Variants in ARHGEF26 observed in about 807,000 individuals in gnomAD.
ARHGEF26 encodes the protein Rho guanine nucleotide exchange factor 26, also known as Rho guanine nucleotide exchange factor (GEF) 26.
In ARHGEF26, 59 loss-of-function variants were observed where a neutral mutation model predicts 89.4. The ratio of observed to expected loss-of-function variants is 0.66; its 90% CI spans 0.54 to 0.82. The LOEUF (loss-of-function observed/expected upper bound fraction) is 0.82. Ranked by LOEUF, ARHGEF26 falls within the 40% of genes least tolerant of loss-of-function variation. The pLI is 0.00. For synonymous variants in ARHGEF26, 500 were observed against 428.4 expected (o/e 1.17, Z -2.06); for missense variants, 1,234 against 1,085.6 (o/e 1.14, Z -1.92).
chr3:154,176,976 A>C (rs1276695491), intron 6 of ARHGEF26, among the ~76,000 whole-genome samples: 1 of 152,164 alleles, frequency 6.6e-6, no homozygotes, highest in African/African-American at 2.4e-5. Flanking sequence ...TTGATGCAAG[A>C]ATAAAAGGGA....
intron 11 of ARHGEF26, among the ~76,000 whole-genome samples, chr3:154,234,413 G>A (rs1416363817): frequency 1.3e-5 from 2 of 152,116 alleles, no homozygotes; most frequent in Admixed American, 6.5e-5. Flanking sequence ...AAGGCAGGCC[G>A]TTAAAGGTCT....
intron 6 of ARHGEF26, among the ~76,000 whole-genome samples, chr3:154,158,215 A>G (rs951624123): frequency 6.6e-6 from 1 of 152,176 alleles, no homozygotes; most frequent in Non-Finnish European, 1.5e-5. Flanking sequence ...TGACAAAGAA[A>G]CATTTAAGGA....
intron 4 of ARHGEF26, among the ~76,000 whole-genome samples, chr3:154,137,359 G>A (rs985393146): frequency 6.6e-6 from 1 of 152,086 alleles, no homozygotes; most frequent in South Asian, 2.1e-4. Flanking sequence ...TGTCCCCACC[G>A]GCAAGAAGGC....
chr3:154,154,900 A>G (rs1191269932), intron 6 of ARHGEF26, among the ~76,000 whole-genome samples: 1 of 151,974 alleles, frequency 6.6e-6, no homozygotes, highest in Non-Finnish European at 1.5e-5. Flanking sequence ...ACACCCTGCT[A>G]TATATTAGCC....
chr3:154,252,372 C>T (rs1051854591), intron 12 of ARHGEF26, among the ~76,000 whole-genome samples: 5 of 152,114 alleles, frequency 3.3e-5, no homozygotes, highest in South Asian at 2.1e-4. Context: ...ATGTGTGTGG[C>T]GGGGCAGTAT....
chr3:154,130,784 A>G (rs1205742589), intron 4 of ARHGEF26, among the ~76,000 whole-genome samples: 1 of 152,204 alleles, frequency 6.6e-6, no homozygotes, highest in Non-Finnish European at 1.5e-5. Flanking sequence ...GTACACCTCC[A>G]TGAGTCCTTA....
chr3:154,231,281 G>A (rs1190254830), intron 11 of ARHGEF26, among the ~76,000 whole-genome samples: 1 of 152,064 alleles, frequency 6.6e-6, no homozygotes, highest in African/African-American at 2.4e-5. Flanking sequence ...ATGTTATGAG[G>A]TATTGTTTCC....
At chr3:154,166,888 G>A (rs572487025) in intron 6 of ARHGEF26, among the ~76,000 whole-genome samples, 1 of 152,236 alleles carries the variant, frequency 6.6e-6, no homozygotes, top group East Asian at 1.9e-4. Flanking sequence ...CTGGTTTGGG[G>A]CGTAGCTTCC....
chr3:154,206,015 T>G (rs1714997533), intron 9 of ARHGEF26, among the ~76,000 whole-genome samples: 1 of 152,184 alleles, frequency 6.6e-6, no homozygotes, highest in South Asian at 2.1e-4. Flanking sequence ...TATTATTGAT[T>G]AATATCATTT....
At chr3:154,128,187 C>T (rs1018705116) in intron 3 of ARHGEF26, among the ~76,000 whole-genome samples, 1 of 152,140 alleles carries the variant, frequency 6.6e-6, no homozygotes, top group Non-Finnish European at 1.5e-5. Flanking sequence ...AATCAAAGTC[C>T]TTTAATGGCT....
chr3:154,123,138 G>GGGA (rs1443924788), intron 2 of ARHGEF26, 63 bp downstream of exon 2: 1 of 1,589,708 alleles, frequency 6.3e-7, no homozygotes, highest in Admixed American at 1.7e-5. Context: ...GTTGGGAGTG[G>GGGA]GGAGGAGGAG....
intron 11 of ARHGEF26, among the ~76,000 whole-genome samples, chr3:154,239,751 C>T (rs184928685): frequency 8.7e-4 from 132 of 152,078 alleles, no homozygotes; most frequent in African/African-American, 2.8e-3. Flanking sequence ...GTTCACAGTG[C>T]GATGGGAATG....
At position 154,238,405 on chromosome 3, in the gene ARHGEF26, T is replaced by C. The variant is rs565892524; in HGVS notation, c.2091-1965T>C. Among the ~76,000 whole-genome samples, 13 of 152,342 alleles carry C rather than the reference T, an allele frequency of 8.5e-5. No homozygotes were observed. The South Asian group carries it at 2.5e-3, about 29-fold the overall frequency. On this transcript the variant is annotated intron_variant, in intron 11 of 14. Coordinates refer to ENST00000465093, the MANE Select transcript of ARHGEF26 (RefSeq NM_015595.4). ...GCAATATTTTGCTTTTATAGATAAC[T>C]GCATTTGCTGTTTTTTGAGGGCAGA...
At chr3:154,158,118 C>T (rs890966923) in intron 6 of ARHGEF26, among the ~76,000 whole-genome samples, 1 of 152,058 alleles carries the variant, frequency 6.6e-6, no homozygotes, top group Admixed American at 6.5e-5. Flanking sequence ...TAGGACAGTC[C>T]CAGATAAGCC....
rs370281420 is a variant in ARHGEF26 at position 154,149,686 on chromosome 3, G to A, written c.1326+241G>A. Among the ~76,000 whole-genome samples the A allele has an allele frequency of 8.5e-5, 13 of 152,188 alleles. 1 individual carries two copies. Among genetic ancestry groups the A allele is most frequent in the Admixed American group, 2.0e-4 (3 of 15,284 alleles). On this transcript the variant is annotated intron_variant, in intron 5 of 14. Transcript: ENST00000465093. ...TTGATTTTAAACAACAAAGCACCTA[G>A]TTCAGGTATTTAAACTGAGAGAAAT... is the stretch of plus-strand genomic sequence containing the variant.
chr3:154,130,965 T>A (rs1273442879), intron 4 of ARHGEF26, among the ~76,000 whole-genome samples: 1 of 152,120 alleles, frequency 6.6e-6, no homozygotes, highest in Non-Finnish European at 1.5e-5. Flanking sequence ...AGCTCTACCT[T>A]CCCTCTTCTA....
At chr3:154,205,398 C>T (rs973210527) in intron 9 of ARHGEF26, among the ~76,000 whole-genome samples, 2 of 151,730 alleles carry the variant, frequency 1.3e-5, no homozygotes, top group Non-Finnish European at 2.9e-5. Flanking sequence ...CTATGTGTGT[C>T]TTTATAGGTA....
chr3:154,240,269 T>C, intron 11 of ARHGEF26, 101 bp from the exon 12 acceptor site: 1 of 750,834 alleles, frequency 1.3e-6, no homozygotes, highest in Non-Finnish European at 2.2e-6. Flanking sequence ...CTCTCCTTCC[T>C]GCCCACTCCT....
At chr3:154,177,479 A>G (rs1712898387) in intron 6 of ARHGEF26, among the ~76,000 whole-genome samples, 1 of 152,208 alleles carries the variant, frequency 6.6e-6, no homozygotes, top group African/African-American at 2.4e-5. Flanking sequence ...TTTAGTGTGG[A>G]CATAACTGTC....
Sources: gnomAD v4.1 joint callset for allele counts (sites outside exome capture counted in the v4.1 genomes callset) on GRCh38, gnomAD v4.1.1 for gene constraint, MANE v1.5 for transcripts, NCBI Gene and HGNC (gene_info 2026-07-23, HGNC 2026-07-21) for gene names.